WWOX: variants seen among roughly 807,000 people sequenced by gnomAD.
The protein encoded by WWOX is WW domain containing oxidoreductase, also known as WW domain-containing oxidoreductase.
Under a neutral mutation model 46.2 loss-of-function variants are expected in WWOX, and 69 were observed. The ratio of observed to expected loss-of-function variants is 1.49; its 90% CI spans 1.23 to 1.82. The LOEUF is 1.82. Among genes scored for constraint, WWOX ranks in the 40% most tolerant of loss-of-function variants. WWOX has a pLI of 0.00. For synonymous variants in WWOX, 359 were observed against 202.6 expected, an observed-to-expected ratio of 1.77 and a Z score of -6.56; for missense variants, 919 against 542.6, an observed-to-expected ratio of 1.69 and a Z score of -6.89.
chr16:78,605,048 T>G (rs2045722465), intron 8 of WWOX, among the ~76,000 whole-genome samples: 1 of 143,990 alleles, frequency 6.9e-6, no homozygotes, highest in South Asian at 2.4e-4. Flanking sequence ...TTTTCTTTCC[T>G]TTTTAAATGC....
intron 8 of WWOX, among the ~76,000 whole-genome samples, chr16:78,905,917 C>T (rs1019286683): frequency 6.6e-6 from 1 of 152,184 alleles, no homozygotes; most frequent in Non-Finnish European, 1.5e-5. Flanking sequence ...TCCTTGGCTC[C>T]TTCCCACCTA....
chr16:78,187,288 A>C (rs9925505), intron 5 of WWOX, among the ~76,000 whole-genome samples: 1 of 152,170 alleles, frequency 6.6e-6, no homozygotes, highest in Non-Finnish European at 1.5e-5. Flanking sequence ...CCAGGTGGGC[A>C]CAAAGAAAAG....
intron 8 of WWOX, among the ~76,000 whole-genome samples, chr16:79,038,118 T>G (rs956469026): frequency 2.6e-5 from 4 of 152,136 alleles, no homozygotes; most frequent in African/African-American, 9.7e-5. Flanking sequence ...CAGGATCCAG[T>G]TCAAAAGGAT....
chr16:78,633,618 C>T (rs563447438), intron 8 of WWOX, among the ~76,000 whole-genome samples: 10 of 152,326 alleles, frequency 6.6e-5, no homozygotes, highest in Non-Finnish European at 1.5e-4. Flanking sequence ...CAAAGGTCTC[C>T]TCCTTTTCAT....
At chr16:78,912,216 C>T (rs555385593) in intron 8 of WWOX, among the ~76,000 whole-genome samples, 27 of 152,144 alleles carry the variant, frequency 1.8e-4, no homozygotes, top group Non-Finnish European at 2.8e-4. Flanking sequence ...CTGAACAAAG[C>T]CCCAGTTGTT....
chr16:78,149,355 A>G (rs1388075004), intron 4 of WWOX, among the ~76,000 whole-genome samples: 2 of 152,222 alleles, frequency 1.3e-5, no homozygotes, highest in Admixed American at 1.3e-4. Context: ...ATAGAGAGAA[A>G]CTTATTCCTG....
At chr16:79,089,053 T>A (rs555857060) in intron 8 of WWOX, among the ~76,000 whole-genome samples, 1 of 152,264 alleles carries the variant, frequency 6.6e-6, no homozygotes, top group East Asian at 1.9e-4. Context: ...TAGGGCCCTT[T>A]GGTGTCTTTT....
intron 8 of WWOX, among the ~76,000 whole-genome samples, chr16:79,177,405 A>G (rs559513240): frequency 1.8e-4 from 28 of 151,976 alleles, no homozygotes; most frequent in Non-Finnish European, 3.2e-4. Flanking sequence ...TTGGATATGC[A>G]TTTATCCAAA....
intron 4 of WWOX, among the ~76,000 whole-genome samples, chr16:78,133,819 G>T (rs2033693032): frequency 6.6e-6 from 1 of 152,226 alleles, no homozygotes; most frequent in South Asian, 2.1e-4. Flanking sequence ...GGGGAAGCTA[G>T]CTCACAAAAG....
intron 8 of WWOX, among the ~76,000 whole-genome samples, chr16:79,067,216 G>C (rs1567526850): frequency 1.3e-5 from 2 of 152,132 alleles, no homozygotes; most frequent in Admixed American, 6.6e-5. Context: ...TGGTGATTCT[G>C]ATATTCACTA....
rs2081868728 is a variant in WWOX, at chr16:78,377,935, G to A, written c.517-8925G>A. Among the ~76,000 whole-genome samples, 5 of 152,130 alleles carry A rather than the reference G, an allele frequency of 3.3e-5. No individual in the cohort carries two copies. The South Asian group carries it at 6.2e-4, about 19-fold the overall frequency. On this transcript the variant is annotated intron_variant, in intron 5 of 8. Coordinates refer to ENST00000566780, the MANE Select transcript of WWOX (RefSeq NM_016373.4). The stretch of plus-strand genomic sequence containing the variant: ...ACAAGGCAAAAATTTTGGCCTGTAT[G>A]TAATGAAGGAAGAGTTGTCATCATT...
intron 8 of WWOX, among the ~76,000 whole-genome samples, chr16:78,946,489 C>T (rs953015559): frequency 1.3e-5 from 2 of 152,162 alleles, no homozygotes; most frequent in South Asian, 2.1e-4. Flanking sequence ...CCGTGCCTGG[C>T]CTCTTTCTGT....
intron 8 of WWOX, among the ~76,000 whole-genome samples, chr16:78,462,295 CTG>C (rs977619405): frequency 3.5e-4 from 53 of 151,046 alleles, no homozygotes; most frequent in African/African-American, 1.3e-3. Context: ...CTTTCAAAGT[CTG>C]TGATTGATCT....
intron 5 of WWOX, among the ~76,000 whole-genome samples, chr16:78,332,161 T>C (rs185917321): frequency 9.9e-4 from 151 of 152,310 alleles, no homozygotes; most frequent in Non-Finnish European, 1.7e-3. Flanking sequence ...CATCCTGGGT[T>C]ATGTCTTTCC....
chr16:79,164,208 C>G (rs1016335382), intron 8 of WWOX, among the ~76,000 whole-genome samples: 1 of 152,120 alleles, frequency 6.6e-6, no homozygotes, highest in African/African-American at 2.4e-5. Flanking sequence ...TGTTTGGGAG[C>G]TACAGCAATT....
chr16:78,486,333 C>G (rs2084635914), intron 8 of WWOX, among the ~76,000 whole-genome samples: 2 of 152,178 alleles, frequency 1.3e-5, no homozygotes, highest in African/African-American at 4.8e-5. Context: ...ACCTCATGAG[C>G]ATAGATAATA....
chr16:78,785,240 A>G lies in WWOX; in HGVS notation c.1056+352488A>G, dbSNP rs1182135551. Among the ~76,000 whole-genome samples, 3 of 152,372 alleles carry G rather than the reference A, an allele frequency of 2.0e-5. No individual in the cohort carries two copies. In the East Asian group the frequency reaches 5.8e-4, roughly 29 times the overall value. On this transcript the variant is annotated intron_variant, in intron 8 of 8. Coordinates refer to ENST00000566780, the MANE Select transcript of WWOX (RefSeq NM_016373.4). ...CTCTCAGCAAAGGAGATAAGGCTGCAGTAATTCTCTTCCCACCTTCGATGG... is the reference window on the plus strand; with the variant it reads ...CTCTCAGCAAAGGAGATAAGGCTGCGGTAATTCTCTTCCCACCTTCGATGG...
At chr16:78,501,501 T>C (rs1434018506) in intron 8 of WWOX, among the ~76,000 whole-genome samples, 1 of 151,882 alleles carries the variant, frequency 6.6e-6, no homozygotes, top group Non-Finnish European at 1.5e-5. Flanking sequence ...CTGCTCACTT[T>C]GGGCTGTACG....
intron 5 of WWOX, among the ~76,000 whole-genome samples, chr16:78,247,633 T>A (rs186128705): frequency 6.6e-6 from 1 of 152,168 alleles, no homozygotes; most frequent in Admixed American, 6.5e-5. Flanking sequence ...CTGCCCCTTA[T>A]AAAAGCTCAT....
Sources: gnomAD v4.1 joint callset for allele counts (sites outside exome capture counted in the v4.1 genomes callset) on GRCh38, gnomAD v4.1.1 for gene constraint, MANE v1.5 for transcripts, NCBI Gene and HGNC (gene_info 2026-07-23, HGNC 2026-07-21) for gene names.